COL23A1: variants seen among roughly 807,000 people sequenced by gnomAD.
COL23A1 encodes the protein collagen alpha-1(XXIII) chain.
COL23A1 carries 97 observed loss-of-function variants against 99.3 expected under a neutral mutation model. That is an observed-to-expected ratio of 0.98 (90% confidence interval 0.83 to 1.16). COL23A1 has a LOEUF of 1.16. COL23A1 is among the 50% of genes most tolerant of loss of function. The pLI is 0.00. For synonymous variants in COL23A1, 320 were observed against 308.2 expected, an observed-to-expected ratio of 1.04 and a Z score of -0.40; for missense variants, 762 against 757.4, an observed-to-expected ratio of 1.01 and a Z score of -0.07.
intron 25 of COL23A1, 117 bp from the exon 26 acceptor site, chr5:178,242,511 T>C (rs531572647): frequency 1.0e-6 from 1 of 954,018 alleles, no homozygotes; most frequent in Non-Finnish European, 1.6e-6. Context: ...TGCATATTCG[T>C]GGCACACGCT....
At chr5:178,530,769 C>A (rs887454245) in intron 2 of COL23A1, among the ~76,000 whole-genome samples, 1 of 152,224 alleles carries the variant, frequency 6.6e-6, no homozygotes, top group Non-Finnish European at 1.5e-5. Flanking sequence ...AGGATCCCAG[C>A]CCCAACCTCG....
chr5:178,476,560 G>C (rs979875434), intron 2 of COL23A1, among the ~76,000 whole-genome samples: 5 of 152,146 alleles, frequency 3.3e-5, no homozygotes, highest in African/African-American at 7.2e-5. Context: ...CTACACTTAA[G>C]GGAAGAGAAT....
intron 2 of COL23A1, among the ~76,000 whole-genome samples, chr5:178,560,451 CA>C (rs1762498757): frequency 6.6e-6 from 1 of 152,138 alleles, no homozygotes. Context: ...TCATCTCCGA[CA>C]ATGTCTTAGC....
chr5:178,300,444 C>T (rs1315497493), intron 3 of COL23A1, among the ~76,000 whole-genome samples: 2 of 152,154 alleles, frequency 1.3e-5, no homozygotes, highest in African/African-American at 4.8e-5. Flanking sequence ...ATTGAATATG[C>T]CATCCTACTG....
At chr5:178,469,834 C>T (rs191922585) in intron 2 of COL23A1, among the ~76,000 whole-genome samples, 23 of 152,230 alleles carry the variant, frequency 1.5e-4, no homozygotes, top group Non-Finnish European at 5.9e-5. Flanking sequence ...CAGGGTCGGG[C>T]CACGGAACCG....
At chr5:178,321,480 CTTT>C (rs570803192) in intron 2 of COL23A1, among the ~76,000 whole-genome samples, 9 of 109,040 alleles carry the variant, frequency 8.3e-5, no homozygotes, top group Admixed American at 2.9e-4. Flanking sequence ...GTCACCTTCC[CTTT>C]TTTTTTTTTT....
chr5:178,456,552 G>A (rs2127884463), intron 2 of COL23A1, among the ~76,000 whole-genome samples: 1 of 152,264 alleles, frequency 6.6e-6, no homozygotes, highest in Non-Finnish European at 1.5e-5. Flanking sequence ...TACAAAATTA[G>A]CTGGGCGTGG....
intron 2 of COL23A1, among the ~76,000 whole-genome samples, chr5:178,318,460 G>T (rs1489739056): frequency 6.6e-6 from 1 of 152,206 alleles, no homozygotes; most frequent in Non-Finnish European, 1.5e-5. Flanking sequence ...AAAACCGATG[G>T]GAAGAGGGGA....
intron 2 of COL23A1, among the ~76,000 whole-genome samples, chr5:178,464,773 G>A (rs1199632754): frequency 6.6e-6 from 1 of 152,258 alleles, no homozygotes; most frequent in African/African-American, 2.4e-5. Context: ...TGCCCCAGAT[G>A]TTGGGTGTAG....
chr5:178,298,499 T>A (rs1399514527), intron 3 of COL23A1, among the ~76,000 whole-genome samples: 1 of 152,066 alleles, frequency 6.6e-6, no homozygotes. Context: ...CACCAGGAGG[T>A]GAGGGCTGGC....
intron 5 of COL23A1, among the ~76,000 whole-genome samples, chr5:178,286,089 G>A (rs747510002): frequency 1.3e-5 from 2 of 152,184 alleles, no homozygotes; most frequent in Non-Finnish European, 2.9e-5. Flanking sequence ...GCCTACCTCC[G>A]TGTGGAAATG....
intron 2 of COL23A1, among the ~76,000 whole-genome samples, chr5:178,412,113 G>GTATC (rs1407611273): frequency 6.6e-6 from 1 of 152,200 alleles, no homozygotes; most frequent in African/African-American, 2.4e-5. Flanking sequence ...AGCAGCGTAA[G>GTATC]TATCGATCAA....
intron 2 of COL23A1, among the ~76,000 whole-genome samples, chr5:178,329,728 G>A (rs542381729): frequency 6.6e-6 from 1 of 152,282 alleles, no homozygotes; most frequent in East Asian, 1.9e-4. Context: ...CATGAGGTCA[G>A]GAGTGCGAGA....
chr5:178,581,789 A>G (rs2113724490), intron 1 of COL23A1, among the ~76,000 whole-genome samples: 1 of 152,296 alleles, frequency 6.6e-6, no homozygotes, highest in South Asian at 2.1e-4. Flanking sequence ...TTGATGGGAT[A>G]TACGGTACAG....
At chr5:178,572,635 A>C (rs262063) in intron 1 of COL23A1, among the ~76,000 whole-genome samples, 22,778 of 152,236 alleles carry the variant, frequency 0.15, 3,336 homozygotes, top group African/African-American at 0.37. Flanking sequence ...AAAAGTTAAT[A>C]ATACACATAT....
At chr5:178,248,406 T>TGCCAC (rs200248352) in intron 19 of COL23A1, 152 bp from the exon 20 acceptor site, 6,193 of 588,472 alleles carry the variant, frequency 0.011, 55 homozygotes, top group Non-Finnish European at 0.014. Flanking sequence ...TACATCCATG[T>TGCCAC]GCCACGCCCC....
chr5:178,442,432 GA>G (rs1766924046), intron 2 of COL23A1, among the ~76,000 whole-genome samples: 1 of 152,188 alleles, frequency 6.6e-6, no homozygotes, highest in Non-Finnish European at 1.5e-5. Context: ...CTTCTTTTGA[GA>G]AACGTTTTAC....
At chr5:178,354,215 T>C (rs1368996447) in intron 2 of COL23A1, among the ~76,000 whole-genome samples, 1 of 152,194 alleles carries the variant, frequency 6.6e-6, no homozygotes, top group African/African-American at 2.4e-5. Context: ...ATGGTATTGC[T>C]TGACTGATTG....
chr5:178,385,583 G>A (rs72822856), intron 2 of COL23A1, among the ~76,000 whole-genome samples: 1,713 of 152,282 alleles, frequency 0.011, 14 homozygotes, highest in Non-Finnish European at 0.018. Flanking sequence ...GACCCTGGCC[G>A]TGTGCACGTT....
Sources: gnomAD v4.1 joint callset for allele counts (sites outside exome capture counted in the v4.1 genomes callset) on GRCh38, gnomAD v4.1.1 for gene constraint, MANE v1.5 for transcripts, NCBI Gene and HGNC (gene_info 2026-07-23, HGNC 2026-07-21) for gene names.